KLF12: variants seen among roughly 807,000 people sequenced by gnomAD.
The protein encoded by KLF12 is Krueppel-like factor 12.
A neutral mutation model predicts 37.8 loss-of-function variants in KLF12; 9 were observed. The ratio of observed to expected loss-of-function variants is 0.24; its 90% CI spans 0.14 to 0.42. The LOEUF (loss-of-function observed/expected upper bound fraction) is 0.42. KLF12 is among the 10% of genes least tolerant of loss of function. The pLI, the probability that KLF12 is intolerant of heterozygous loss-of-function variation, is 1.00. For synonymous variants in KLF12, 208 were observed against 202.1 expected (o/e 1.03, Z -0.25); for missense variants, 411 against 516.0 (o/e 0.80, Z 1.97).
intron 2 of KLF12, among the ~76,000 whole-genome samples, chr13:73,953,888 C>G (rs900783192): frequency 6.6e-6 from 1 of 151,680 alleles, no homozygotes; most frequent in East Asian, 1.9e-4. Context: ...GAGCAAGCAA[C>G]CTTAATTTTT....
At chr13:73,718,246 G>T (rs1006589341) in intron 6 of KLF12, among the ~76,000 whole-genome samples, 5 of 152,264 alleles carry the variant, frequency 3.3e-5, no homozygotes, top group Admixed American at 6.5e-5. Context: ...AAAAAACCCT[G>T]AAATCAGAAT....
chr13:74,032,177 G>C (rs574042414), intron 1 of KLF12, among the ~76,000 whole-genome samples: 1 of 152,162 alleles, frequency 6.6e-6, no homozygotes, highest in East Asian at 1.9e-4. Flanking sequence ...CCTACGATAT[G>C]TAGTAGGAGC....
chr13:74,063,603 A>G lies in KLF12; in HGVS notation c.-31-68550T>C, dbSNP rs181955264. Among the ~76,000 whole-genome samples the G allele has an allele frequency of 1.9e-3, 286 of 152,348 alleles. 1 individual carries two copies. Among genetic ancestry groups the G allele is most frequent in the African/African-American group, 6.3e-3 (264 of 41,582 alleles). Reference sequence around the variant, plus strand: ...ACAGAAAATATCAAAGTAAAAATTAACTACCACTACATGTACTCAGCATAA... The same window carrying G: ...ACAGAAAATATCAAAGTAAAAATTAGCTACCACTACATGTACTCAGCATAA... On this transcript the variant is annotated intron_variant, in intron 1 of 7. Coordinates refer to ENST00000377669, the MANE Select transcript of KLF12 (RefSeq NM_007249.5).
At chr13:73,735,552 A>T (rs1012682808) in intron 6 of KLF12, among the ~76,000 whole-genome samples, 8 of 152,076 alleles carry the variant, frequency 5.3e-5, no homozygotes, top group African/African-American at 1.9e-4. Context: ...GGAAGTGAAG[A>T]GGGTCACTCC....
At chr13:73,770,135 C>T (rs1376568345) in intron 5 of KLF12, among the ~76,000 whole-genome samples, 2 of 152,134 alleles carry the variant, frequency 1.3e-5, no homozygotes, top group Non-Finnish European at 1.5e-5. Context: ...CCTAAAATAA[C>T]TCCACAATTA....
the KLF12 span, among the ~76,000 whole-genome samples, chr13:74,241,380 G>C: frequency 6.6e-6 from 1 of 151,884 alleles, no homozygotes; most frequent in African/African-American, 2.4e-5. Flanking sequence ...GTCTGCAGAG[G>C]TTACTGCTGT....
intron 6 of KLF12, among the ~76,000 whole-genome samples, chr13:73,748,096 C>T (rs1038998418): frequency 1.3e-5 from 2 of 152,086 alleles, no homozygotes; most frequent in African/African-American, 2.4e-5. Context: ...TTTGGAGACT[C>T]GCCTCTATCA....
intron 1 of KLF12, among the ~76,000 whole-genome samples, chr13:74,005,150 C>A (rs958028737): frequency 2.6e-5 from 4 of 152,060 alleles, no homozygotes; most frequent in African/African-American, 7.2e-5. Context: ...CTCTTAGATT[C>A]TTTGCTGATT....
chr13:73,845,744 G>A, intron 4 of KLF12, 83 bp downstream of exon 4: 1 of 1,227,958 alleles, frequency 8.1e-7, no homozygotes, highest in Non-Finnish European at 1.2e-6. Context: ...TGTAGTGTTT[G>A]TATACAATTT....
intron 1 of KLF12, among the ~76,000 whole-genome samples, chr13:74,103,118 C>A (rs1876454257): frequency 6.6e-6 from 1 of 152,204 alleles, no homozygotes; most frequent in Admixed American, 6.5e-5. Flanking sequence ...TGTGATGGAG[C>A]AAACATGATG....
At position 73,963,292 on chromosome 13, in the gene KLF12, C is replaced by T. The variant is rs1025146153; in HGVS notation, c.34-19222G>A. Among the ~76,000 whole-genome samples the T allele has an allele frequency of 7.1e-3, 469 of 66,434 alleles. 2 individuals are homozygous for T. Among genetic ancestry groups the T allele is most frequent in the African/African-American group, 0.024 (455 of 18,880 alleles). The allele number at this position is 66,434 out of a possible 152,430, so 43.6% of individuals were successfully genotyped here. A position where few individuals can be genotyped will look rare whatever the true frequency, so the allele number is the denominator to read the frequency against. On this transcript the variant is annotated intron_variant, in intron 2 of 7. Transcript: ENST00000377669. ...TATAAGAGAGTCATTTATACACACA[C>T]ACACACACACACACACACACACACA...
At chr13:74,245,896 G>A in the KLF12 span, among the ~76,000 whole-genome samples, 4 of 152,204 alleles carry the variant, frequency 2.6e-5, no homozygotes, top group African/African-American at 9.6e-5. Flanking sequence ...GTAACTGTAT[G>A]TTAAAGTATC....
the KLF12 span, among the ~76,000 whole-genome samples, chr13:74,284,112 CT>C: frequency 1.3e-5 from 2 of 152,092 alleles, no homozygotes; most frequent in African/African-American, 4.8e-5. Flanking sequence ...CTGCCTCGGC[CT>C]CCTGAAGTTC....
Position 73,817,324 on chromosome 13 carries a change from A to AAAAAAAAAAAAAAG in KLF12, c.671-4038_671-4037insCTTTTTTTTTTTTT, listed in dbSNP as rs1184659945. On this transcript the variant is annotated intron_variant, in intron 4 of 7. Coordinates refer to ENST00000377669, the MANE Select transcript of KLF12 (RefSeq NM_007249.5). ...ACAGAGTGAGATCCTGTTTCAAAAA[A>AAAAAAAAAAAAAAG]AAAAGAAAAGAAAAAAAAGAAAAAC... 8.6e-3 allele frequency among the ~76,000 whole-genome samples: 842 copies of AAAAAAAAAAAAAAG among 97,752 alleles called. 4 individuals are homozygous for AAAAAAAAAAAAAAG. The highest frequency in any genetic ancestry group is 0.015 in the South Asian group (39 of 2,550). 64.1% of individuals were successfully genotyped at this position (97,752 alleles called of 152,430 possible).
intron 3 of KLF12, among the ~76,000 whole-genome samples, chr13:73,890,500 G>A (rs1887452073): frequency 6.6e-6 from 1 of 151,860 alleles, no homozygotes; most frequent in African/African-American, 2.4e-5. Flanking sequence ...AATTTTAAAC[G>A]ATAATGATTG....
At chr13:74,291,664 T>A in the KLF12 span, among the ~76,000 whole-genome samples, 1 of 152,138 alleles carries the variant, frequency 6.6e-6, no homozygotes, top group Non-Finnish European at 1.5e-5. Context: ...AGTGTTCATG[T>A]GTAGGAGAAT....
At chr13:73,931,272 T>C (rs911521721) in intron 3 of KLF12, among the ~76,000 whole-genome samples, 2 of 152,234 alleles carry the variant, frequency 1.3e-5, no homozygotes, top group East Asian at 1.9e-4. Flanking sequence ...TTGTGTACTA[T>C]GCTAAGTATT....
intron 4 of KLF12, among the ~76,000 whole-genome samples, chr13:73,821,763 C>G (rs1253889555): frequency 6.6e-6 from 1 of 152,160 alleles, no homozygotes; most frequent in East Asian, 1.9e-4. Context: ...AGTCTTATCC[C>G]CGAAGCCCCT....
the KLF12 span, among the ~76,000 whole-genome samples, chr13:74,253,897 A>G: frequency 6.6e-6 from 1 of 152,200 alleles, no homozygotes; most frequent in Non-Finnish European, 1.5e-5. Flanking sequence ...ACAGATTATG[A>G]GAAGCCTTAC....
Sources: allele counts gnomAD v4.1 joint callset (sites outside exome capture counted in the v4.1 genomes callset), GRCh38; gene constraint gnomAD v4.1.1; transcripts MANE v1.5; gene names NCBI Gene and HGNC (gene_info 2026-07-23, HGNC 2026-07-21).